Variants in NOX3 observed in about 807,000 individuals in gnomAD.
The protein encoded by NOX3 is NADPH oxidase 3.
A neutral mutation model predicts 76.7 loss-of-function variants in NOX3; 74 were observed. The ratio of observed to expected loss-of-function variants is 0.96; its 90% CI spans 0.80 to 1.17. The LOEUF (loss-of-function observed/expected upper bound fraction) is 1.17, where lower values mean the gene tolerates loss of function less well. NOX3 is among the 50% of genes most tolerant of loss of function. NOX3 has a pLI of 0.00. For synonymous variants in NOX3, 263 were observed against 261.1 expected (o/e 1.01, Z -0.07); for missense variants, 695 against 703.3 (o/e 0.99, Z 0.13).
At chr6:155,439,825 A>G in intron 6 of NOX3, 131 bp downstream of exon 6, 1 of 630,506 alleles carries the variant, frequency 1.6e-6, no homozygotes, top group Non-Finnish European at 2.5e-6. Context: ...TGCCACAGTC[A>G]ATGTGCTTTT....
At chr6:155,435,365 G>C (rs747232490) in intron 7 of NOX3, among the ~76,000 whole-genome samples, 4 of 152,132 alleles carry the variant, frequency 2.6e-5, no homozygotes, top group Non-Finnish European at 5.9e-5. Context: ...AGGTTGGATA[G>C]TGGCTACTGA....
At chr6:155,428,743 C>G (rs765293194) in intron 9 of NOX3, 51 bp downstream of exon 9, 1 of 1,442,950 alleles carries the variant, frequency 6.9e-7, no homozygotes, top group Non-Finnish European at 9.2e-7. Flanking sequence ...CATTAAGATA[C>G]CTTACTTTTT....
chr6:155,416,411 G>T (rs1211987194), intron 10 of NOX3, among the ~76,000 whole-genome samples: 2 of 152,104 alleles, frequency 1.3e-5, no homozygotes, highest in Non-Finnish European at 2.9e-5. Context: ...TTTGTTAAGG[G>T]AATCCTGGAT....
chr6:155,422,612 T>C (rs1028582476), intron 10 of NOX3, 82 bp downstream of exon 10: 55 of 1,334,952 alleles, frequency 4.1e-5, no homozygotes, highest in Middle Eastern at 1.9e-4. Flanking sequence ...ATTAAAATCC[T>C]CCCCAAGAAT....
intron 5 of NOX3, among the ~76,000 whole-genome samples, chr6:155,440,941 G>T (rs1274831277): frequency 1.3e-5 from 2 of 152,034 alleles, no homozygotes; most frequent in Non-Finnish European, 2.9e-5. Context: ...CTTTTTAATT[G>T]GAAAGACCAT....
At chr6:155,443,128 A>G in intron 5 of NOX3, 145 bp downstream of exon 5, 1 of 957,618 alleles carries the variant, frequency 1.0e-6, no homozygotes, top group African/African-American at 1.7e-5. Context: ...AACTTTTTAG[A>G]AAATGTGAAA....
chr6:155,445,999 T>TAAA (rs1195710730), intron 4 of NOX3, among the ~76,000 whole-genome samples: 2 of 113,142 alleles, frequency 1.8e-5, no homozygotes, highest in Non-Finnish European at 3.8e-5. Context: ...ATATATATAA[T>TAAA]ATATATATAT....
rs1777187412 is a variant in NOX3, at chr6:155,454,601, T to C, written c.255+210A>G. On this transcript the variant is annotated intron_variant, in intron 3 of 13. Transcript: ENST00000159060. ...CTGTTTAGCAATGAGTTGAGTGTCATGTAGGAAATCAATGGCAACAGCCAA... is the reference window on the plus strand; with the variant it reads ...CTGTTTAGCAATGAGTTGAGTGTCACGTAGGAAATCAATGGCAACAGCCAA... Among the ~76,000 whole-genome samples, 5 of 152,218 alleles carry C rather than the reference T, an allele frequency of 3.3e-5. No homozygotes were observed. The South Asian group carries it at 8.3e-4, about 25-fold the overall frequency.
intron 10 of NOX3, among the ~76,000 whole-genome samples, chr6:155,415,134 G>A (rs1011703066): frequency 2.6e-5 from 4 of 152,154 alleles, no homozygotes; most frequent in Non-Finnish European, 5.9e-5. Flanking sequence ...GGCTCTCTGT[G>A]TGTCCCTTCT....
intron 12 of NOX3, among the ~76,000 whole-genome samples, chr6:155,398,218 A>G (rs1779164951): frequency 6.6e-6 from 1 of 152,164 alleles, no homozygotes. Flanking sequence ...TGAAATGTAG[A>G]TTCCTAGGCT....
chr6:155,432,383 C>T (rs1776845631), intron 7 of NOX3, among the ~76,000 whole-genome samples: 1 of 138,986 alleles, frequency 7.2e-6, no homozygotes, highest in Admixed American at 8.1e-5. Context: ...AATCCACCAC[C>T]TTACTCCTTG....
chr6:155,427,301 G>A (rs1776770835), intron 9 of NOX3, among the ~76,000 whole-genome samples: 1 of 152,104 alleles, frequency 6.6e-6, no homozygotes, highest in Non-Finnish European at 1.5e-5. Flanking sequence ...CAAGCCCAGG[G>A]TGCAGTTACA....
intron 4 of NOX3, among the ~76,000 whole-genome samples, chr6:155,444,076 T>C (rs890564540): frequency 3.3e-5 from 5 of 152,232 alleles, no homozygotes; most frequent in African/African-American, 1.2e-4. Flanking sequence ...ATGTAAATGA[T>C]AGATACCAGG....
At chr6:155,447,314 G>A (rs919464108) in intron 4 of NOX3, among the ~76,000 whole-genome samples, 2 of 152,104 alleles carry the variant, frequency 1.3e-5, no homozygotes, top group Non-Finnish European at 2.9e-5. Flanking sequence ...TGGGATTACA[G>A]GCGTGAGCCA....
rs1344328900 is a variant in NOX3 at position 155,455,833 on chromosome 6, T to G, written c.-33A>C. ...GTTGCTCTTCGGCTGTCAGGAAATT[T>G]CTTCTCCCTCACCTGTGTCTGGATG... is the stretch of plus-strand genomic sequence containing the variant. On this transcript the variant is annotated 5_prime_UTR_variant, in exon 1 of 14. Coordinates refer to ENST00000159060, the MANE Select transcript of NOX3 (RefSeq NM_015718.3). The G allele has an allele frequency of 6.2e-7, 1 of 1,604,338 alleles. No individual in the cohort carries two copies. The highest frequency in any genetic ancestry group is 1.7e-5 in the Admixed American group (1 of 60,016).
intron 9 of NOX3, among the ~76,000 whole-genome samples, chr6:155,424,531 C>T (rs114586331): frequency 0.013 from 1,937 of 152,214 alleles, 23 homozygotes; most frequent in African/African-American, 0.032. Flanking sequence ...TTGAAGACAC[C>T]GGAGGTTGGC....
chr6:155,410,795 T>C (rs1776536214), intron 11 of NOX3, among the ~76,000 whole-genome samples: 1 of 152,188 alleles, frequency 6.6e-6, no homozygotes, highest in African/African-American at 2.4e-5. Flanking sequence ...ATACAAAATG[T>C]TGAATGTAAA....
intron 9 of NOX3, among the ~76,000 whole-genome samples, chr6:155,424,558 A>G (rs1315002762): frequency 6.6e-6 from 1 of 152,222 alleles, no homozygotes; most frequent in African/African-American, 2.4e-5. Flanking sequence ...GAGCTTTACT[A>G]TGTGTTCATG....
intron 4 of NOX3, among the ~76,000 whole-genome samples, chr6:155,445,999 T>TA (rs1195710730): frequency 2.5e-4 from 28 of 113,138 alleles, no homozygotes; most frequent in African/African-American, 7.2e-4. Flanking sequence ...ATATATATAA[T>TA]ATATATATAT....
Sources: gnomAD v4.1 joint callset for allele counts (sites outside exome capture counted in the v4.1 genomes callset) on GRCh38, gnomAD v4.1.1 for gene constraint, MANE v1.5 for transcripts, NCBI Gene and HGNC (gene_info 2026-07-23, HGNC 2026-07-21) for gene names.